The following CR1 variants were observed in gnomAD, a reference collection of about 807,000 sequenced individuals.
The protein encoded by CR1 is complement C3b/C4b receptor 1 (Knops blood group), also known as complement receptor type 1.
A neutral mutation model predicts 187.3 loss-of-function variants in CR1; 116 were observed. The ratio of observed to expected loss-of-function variants is 0.62; its 90% CI spans 0.53 to 0.72. The LOEUF is 0.72. Ranked by LOEUF, CR1 falls within the 30% of genes least tolerant of loss-of-function variation. The pLI is 0.00. For missense variants in CR1, 1,731 were observed against 2,110.7 expected, an observed-to-expected ratio of 0.82 and a Z score of 3.52; for synonymous variants, 576 against 747.1, an observed-to-expected ratio of 0.77 and a Z score of 3.73.
chr1:207,563,937 G>A lies in CR1; in HGVS notation c.3660G>A (p.Gln1220=). The part of the protein sequence containing the change: ...QRDKDNFSPG[Q]EVFYSCEPGY... ...ACAAGGACAACTTTTCACCCGGGCA[G>A]GAAGTGTTCTACAGCTGTGAGCCCG... The change falls in exon 22 of 47, where the codon CAG becomes CAA. Residue 1220 remains glutamine, a synonymous_variant. Transcript: ENST00000367049. 3 of 1,510,570 alleles carry A rather than the reference G, an allele frequency of 2.0e-6. No individual in the cohort carries two copies. The highest frequency in any genetic ancestry group is 2.6e-6 in the Non-Finnish European group (3 of 1,145,944). The allele number at this position is 1,510,570 out of a possible 1,614,324, so 93.6% of individuals were successfully genotyped here.
chr1:207,591,930 T>A (rs1342612124), intron 35 of CR1, among the ~76,000 whole-genome samples: 1 of 151,812 alleles, frequency 6.6e-6, no homozygotes, highest in African/African-American at 2.4e-5. Flanking sequence ...CAAAAACAAG[T>A]TCTGAAATTG....
At chr1:207,584,998 C>A in intron 33 of CR1, 122 bp downstream of exon 33, 1 of 1,429,252 alleles carries the variant, frequency 7.0e-7, no homozygotes, top group South Asian at 1.4e-5. Flanking sequence ...GTGTAAATGT[C>A]AAAATTACAT....
intron 28 of CR1, among the ~76,000 whole-genome samples, chr1:207,576,470 T>A (rs970750622): frequency 6.6e-6 from 1 of 152,234 alleles, no homozygotes; most frequent in Non-Finnish European, 1.5e-5. Context: ...ATTGTATATT[T>A]GTGCTTTGTC....
intron 4 of CR1, among the ~76,000 whole-genome samples, chr1:207,518,092 C>T (rs1414826519): frequency 1.3e-5 from 2 of 152,068 alleles, no homozygotes; most frequent in Non-Finnish European, 2.9e-5. Flanking sequence ...GTACATTTAA[C>T]CTATCAATTT....
intron 32 of CR1, among the ~76,000 whole-genome samples, chr1:207,582,962 T>C (rs558416703): frequency 6.6e-6 from 1 of 152,250 alleles, no homozygotes; most frequent in South Asian, 2.1e-4. Context: ...TCCAGATGGA[T>C]ATGTTGGAGA....
chr1:207,617,507 A>ATATATATATATG (rs1332301171), intron 41 of CR1, among the ~76,000 whole-genome samples: 4 of 47,030 alleles, frequency 8.5e-5, no homozygotes, highest in Admixed American at 3.0e-4. Flanking sequence ...ATATATATAT[A>ATATATATATATG]TGTGTGTGTG....
intron 31 of CR1, 61 bp from the exon 32 acceptor site, chr1:207,581,857 C>A: frequency 8.7e-7 from 1 of 1,153,946 alleles, no homozygotes; most frequent in South Asian, 1.3e-5. Context: ...AGGTTGAGAT[C>A]TGTCACGAAG....
chr1:207,590,192 G>T (rs960379904), intron 35 of CR1, among the ~76,000 whole-genome samples: 40 of 152,302 alleles, frequency 2.6e-4, no homozygotes, highest in African/African-American at 6.3e-4. Context: ...GGAAAAAAAT[G>T]TTAAGGGCAG....
At chr1:207,593,493 A>C (rs778646785) in intron 35 of CR1, among the ~76,000 whole-genome samples, 10 of 152,232 alleles carry the variant, frequency 6.6e-5, no homozygotes, top group Non-Finnish European at 1.2e-4. Context: ...TAAGACCTAA[A>C]ACTATAAAAA....
At chr1:207,622,561 T>A (rs1283042448) in intron 44 of CR1, among the ~76,000 whole-genome samples, 1 of 152,190 alleles carries the variant, frequency 6.6e-6, no homozygotes, top group Non-Finnish European at 1.5e-5. Flanking sequence ...GTAGCCTGGG[T>A]CTACTTATCT....
chr1:207,632,373 C>T (rs533838596), intron 46 of CR1, among the ~76,000 whole-genome samples: 1 of 152,138 alleles, frequency 6.6e-6, no homozygotes, highest in South Asian at 2.1e-4. Flanking sequence ...GCATGGTTTC[C>T]TAGAGAATAT....
intron 35 of CR1, among the ~76,000 whole-genome samples, chr1:207,603,037 TGTG>T (rs996786037): frequency 1.1e-4 from 17 of 152,238 alleles, no homozygotes; most frequent in African/African-American, 3.4e-4. Flanking sequence ...GATTTAATGT[TGTG>T]GTGATGTTAA....
Position 207,584,592 on chromosome 1 carries a change from C to T in CR1, c.5303-57C>T, listed in dbSNP as rs1661053744. On this transcript the variant is annotated intron_variant, in intron 32 of 46. Coordinates refer to ENST00000367049, the MANE Select transcript of CR1 (RefSeq NM_000651.6). ...TCACAGTATGACAACTGTAGAATCA[C>T]CTTGGATTATACTTTAAAATTTTTT... 10 of 1,573,290 alleles carry T rather than the reference C, an allele frequency of 6.4e-6. No individual in the cohort carries two copies. In the East Asian group the frequency reaches 2.0e-4, roughly 32 times the overall value.
intron 36 of CR1, among the ~76,000 whole-genome samples, chr1:207,608,028 A>G (rs1346528814): frequency 6.6e-6 from 1 of 152,174 alleles, no homozygotes; most frequent in Non-Finnish European, 1.5e-5. Flanking sequence ...TAAAGTAAAT[A>G]CCCTCTGACT....
chr1:207,621,841 GC>G (rs1662322322), intron 43 of CR1, 131 bp from the exon 44 acceptor site: 1 of 565,814 alleles, frequency 1.8e-6, no homozygotes, highest in Non-Finnish European at 3.0e-6. Flanking sequence ...GAAACCAATG[GC>G]TTTTTGCATT....
chr1:207,499,866 A>T (rs901355409), intron 1 of CR1, among the ~76,000 whole-genome samples: 1 of 152,210 alleles, frequency 6.6e-6, no homozygotes, highest in Non-Finnish European at 1.5e-5. Flanking sequence ...TAAGCTTCAC[A>T]TTTGGACAGG....
At chr1:207,508,058 CAT>C (rs1209915032) in intron 3 of CR1, among the ~76,000 whole-genome samples, 1 of 152,180 alleles carries the variant, frequency 6.6e-6, no homozygotes, top group Non-Finnish European at 1.5e-5. Context: ...GGCTACATAA[CAT>C]ATGATTCCAA....
chr1:207,631,124 A>G (rs1468960828), intron 46 of CR1, among the ~76,000 whole-genome samples: 3 of 152,198 alleles, frequency 2.0e-5, no homozygotes, highest in Non-Finnish European at 4.4e-5. Context: ...GGCTTATTAA[A>G]TACCTAACCT....
Position 207,616,737 on chromosome 1 carries a change from G to T in CR1, c.6824G>T (p.Ser2275Ile), listed in dbSNP as rs139596791. The T allele has an allele frequency of 7.3e-4, 1,174 of 1,613,956 alleles. 3 individuals are homozygous for T. In the African/African-American group the frequency reaches 0.014, roughly 19 times the overall value. ...GGGGAGAGCTCCATCCGCTGCACAA[G>T]TGACCCTCAAGGGAATGGGGTTTGG... ...LIGESSIRCT[S>I]DPQGNGVWSS... Residue 2275 changes from serine to isoleucine, a missense_variant, in exon 41 of 47, where the codon AGT becomes ATT. Transcript: ENST00000367049.
Sources: gnomAD v4.1 joint callset for allele counts (sites outside exome capture counted in the v4.1 genomes callset) on GRCh38, gnomAD v4.1.1 for gene constraint, MANE v1.5 for transcripts, NCBI Gene and HGNC (gene_info 2026-07-23, HGNC 2026-07-21) for gene names.